STAC: variants seen among roughly 807,000 people sequenced by gnomAD.
STAC encodes SH3 and cysteine-rich domain-containing protein.
A neutral mutation model predicts 48.8 loss-of-function variants in STAC; 43 were observed. The observed-to-expected ratio is 0.88, with a 90% CI of 0.69 to 1.14. The LOEUF (loss-of-function observed/expected upper bound fraction) is 1.14, where lower values mean the gene tolerates loss of function less well. STAC is among the 50% of genes most tolerant of loss of function. The probability of loss-of-function intolerance (pLI) is 0.00; values close to 1 mark genes in which losing one functional copy is unlikely to be tolerated. For synonymous variants in STAC, 193 were observed against 179.5 expected (o/e 1.07, Z -0.60); for missense variants, 497 against 504.0 (o/e 0.99, Z 0.13).
intron 5 of STAC, among the ~76,000 whole-genome samples, chr3:36,490,254 T>C (rs1483573754): frequency 6.6e-6 from 1 of 152,172 alleles, no homozygotes; most frequent in African/African-American, 2.4e-5. Flanking sequence ...ACGTACCACG[T>C]TGCATCTCCT....
At chr3:36,383,301 G>T (rs1305469341) in intron 1 of STAC, among the ~76,000 whole-genome samples, 2 of 151,812 alleles carry the variant, frequency 1.3e-5, no homozygotes, top group Non-Finnish European at 1.5e-5. Flanking sequence ...ATGGGGAAGT[G>T]GAAGCCAAGA....
chr3:36,530,858 A>G (rs1314099405), intron 10 of STAC, among the ~76,000 whole-genome samples: 1 of 152,022 alleles, frequency 6.6e-6, no homozygotes, highest in African/African-American at 2.4e-5. Context: ...TCGGCCTCCC[A>G]AAGTGCTGGG....
chr3:36,482,346 T>G (rs1697672420), intron 2 of STAC, among the ~76,000 whole-genome samples: 2 of 152,240 alleles, frequency 1.3e-5, no homozygotes, highest in Non-Finnish European at 2.9e-5. Flanking sequence ...GATACCAGGA[T>G]GGCTCTCTGC....
intron 2 of STAC, among the ~76,000 whole-genome samples, chr3:36,463,660 C>T (rs1697082630): frequency 9.4e-6 from 1 of 106,562 alleles, no homozygotes; most frequent in African/African-American, 3.6e-5. Flanking sequence ...GCTATCCCTC[C>T]CCCCTCCCCC....
intron 6 of STAC, among the ~76,000 whole-genome samples, chr3:36,496,981 C>T (rs1032023567): frequency 1.3e-5 from 2 of 151,556 alleles, no homozygotes; most frequent in African/African-American, 4.9e-5. Flanking sequence ...AAGGATATTA[C>T]AAAATCGAAT....
chr3:36,531,841 A>G (rs1699080544), intron 10 of STAC, among the ~76,000 whole-genome samples: 1 of 152,210 alleles, frequency 6.6e-6, no homozygotes, highest in Non-Finnish European at 1.5e-5. Context: ...GAGAGGGCAG[A>G]TATCTTCAAA....
intron 2 of STAC, among the ~76,000 whole-genome samples, chr3:36,456,009 C>A (rs1385867658): frequency 6.6e-6 from 1 of 151,950 alleles, no homozygotes; most frequent in Non-Finnish European, 1.5e-5. Context: ...AATAAATAAA[C>A]ATAGGAAGGC....
chr3:36,497,160 G>A (rs1698170688), intron 6 of STAC, among the ~76,000 whole-genome samples: 1 of 152,148 alleles, frequency 6.6e-6, no homozygotes, highest in African/African-American at 2.4e-5. Context: ...CCCTGGTTTT[G>A]GTACCACTCC....
At chr3:36,518,245 T>A (rs1563412) in intron 8 of STAC, among the ~76,000 whole-genome samples, 151,350 of 152,356 alleles carry the variant, frequency 0.99, 75,176 homozygotes, top group Middle Eastern at 1. Context: ...AGGGACACTG[T>A]AACAAAGGAT....
Position 36,505,845 on chromosome 3 carries a change from T to C in STAC, c.920+11T>C. On this transcript the variant is annotated intron_variant, in intron 8 of 10. Coordinates refer to ENST00000273183, the MANE Select transcript of STAC (RefSeq NM_003149.3). Reference sequence around the variant, plus strand: ...AGATTTGGAAATGAGGTAAAAACCTTCTGTAAAGAAAAAAAAGAGTAAAAT... The same window carrying C: ...AGATTTGGAAATGAGGTAAAAACCTCCTGTAAAGAAAAAAAAGAGTAAAAT... The C allele has an allele frequency of 6.4e-7, 1 of 1,565,698 alleles. No homozygotes were observed.
intron 6 of STAC, among the ~76,000 whole-genome samples, chr3:36,501,741 A>G (rs1575244148): frequency 1.3e-5 from 2 of 152,218 alleles, no homozygotes; most frequent in African/African-American, 4.8e-5. Context: ...TTTTCAGATT[A>G]CATAAGCTCT....
intron 1 of STAC, among the ~76,000 whole-genome samples, chr3:36,381,025 T>G (rs1400826231): frequency 6.7e-6 from 1 of 150,252 alleles, no homozygotes; most frequent in East Asian, 2.0e-4. Context: ...GGTAGCTTGG[T>G]TTTTTTTGTG....
intron 2 of STAC, among the ~76,000 whole-genome samples, chr3:36,454,154 C>T (rs1226484662): frequency 5.3e-5 from 8 of 152,204 alleles, no homozygotes; most frequent in Admixed American, 3.9e-4. Flanking sequence ...CTCGGATCCT[C>T]TTCCACGCTG....
intron 1 of STAC, among the ~76,000 whole-genome samples, chr3:36,429,567 T>A (rs1700642887): frequency 1.3e-5 from 2 of 152,184 alleles, no homozygotes; most frequent in African/African-American, 4.8e-5. Context: ...TCCCCTTGCA[T>A]GTCCCTGGGC....
intron 1 of STAC, among the ~76,000 whole-genome samples, chr3:36,409,110 A>T (rs1242837047): frequency 2.0e-5 from 3 of 152,236 alleles, no homozygotes; most frequent in Non-Finnish European, 2.9e-5. Flanking sequence ...TGAAATTTGC[A>T]AAATCAATTG....
chr3:36,541,621 C>A (rs561913519), intron 10 of STAC, among the ~76,000 whole-genome samples: 69 of 152,268 alleles, frequency 4.5e-4, no homozygotes, highest in South Asian at 3.3e-3. Context: ...AAAGCAAGGA[C>A]CTCCAAGCCA....
At chr3:36,524,473 T>A (rs911555892) in intron 8 of STAC, among the ~76,000 whole-genome samples, 7 of 151,960 alleles carry the variant, frequency 4.6e-5, no homozygotes, top group Non-Finnish European at 1.0e-4. Context: ...GCGCCTTTCT[T>A]CCCAGCTACT....
At chr3:36,425,363 T>C (rs965139927) in intron 1 of STAC, among the ~76,000 whole-genome samples, 6 of 152,174 alleles carry the variant, frequency 3.9e-5, no homozygotes, top group South Asian at 2.1e-4. Flanking sequence ...TGAAAGATAA[T>C]CTAGAAAATA....
At chr3:36,450,421 T>A (rs936356337) in intron 2 of STAC, among the ~76,000 whole-genome samples, 3 of 152,340 alleles carry the variant, frequency 2.0e-5, no homozygotes, top group African/African-American at 7.2e-5. Context: ...CCCTCATCTG[T>A]CATCTTTCTC....
Sources: allele counts gnomAD v4.1 joint callset (sites outside exome capture counted in the v4.1 genomes callset), GRCh38; gene constraint gnomAD v4.1.1; transcripts MANE v1.5; gene names NCBI Gene and HGNC (gene_info 2026-07-23, HGNC 2026-07-21).